PDE7B: variants seen among roughly 807,000 people sequenced by gnomAD.
The protein encoded by PDE7B is phosphodiesterase 7B.
A neutral mutation model predicts 56.2 loss-of-function variants in PDE7B; 29 were observed. The observed-to-expected ratio is 0.52, with a 90% CI of 0.38 to 0.70. The LOEUF is 0.70. Among genes scored for constraint, PDE7B ranks in the 30% least tolerant of loss-of-function variants. The pLI is 0.00. For missense variants in PDE7B, 490 were observed against 565.0 expected, an observed-to-expected ratio of 0.87 and a Z score of 1.35; for synonymous variants, 197 against 196.9, an observed-to-expected ratio of 1.00 and a Z score of 0.00.
At chr6:135,873,226 G>T (rs1173871919) in intron 1 of PDE7B, among the ~76,000 whole-genome samples, 1 of 152,082 alleles carries the variant, frequency 6.6e-6, no homozygotes, top group Non-Finnish European at 1.5e-5. Flanking sequence ...CTAAATTTCT[G>T]CTGTCAAGAA....
chr6:136,028,493 T>C (rs1297562864), intron 2 of PDE7B, among the ~76,000 whole-genome samples: 1 of 152,206 alleles, frequency 6.6e-6, no homozygotes, highest in African/African-American at 2.4e-5. Context: ...CAACACAAAT[T>C]CATTATCTTA....
chr6:135,963,378 G>T (rs1447527943), intron 2 of PDE7B, among the ~76,000 whole-genome samples: 1 of 152,098 alleles, frequency 6.6e-6, no homozygotes, highest in African/African-American at 2.4e-5. Context: ...CAGTTATTTT[G>T]TGCAACCAGT....
intron 2 of PDE7B, among the ~76,000 whole-genome samples, chr6:136,079,445 C>A (rs1046613693): frequency 6.6e-6 from 1 of 152,098 alleles, no homozygotes; most frequent in Non-Finnish European, 1.5e-5. Flanking sequence ...CTGAGGTGCA[C>A]TAATAACATT....
chr6:136,078,236 G>C (rs1777152645), intron 2 of PDE7B, among the ~76,000 whole-genome samples: 1 of 152,158 alleles, frequency 6.6e-6, no homozygotes, highest in Admixed American at 6.5e-5. Flanking sequence ...TCAGGAAAAA[G>C]AATTCCCATG....
At chr6:136,093,733 A>G (rs1777428766) in intron 2 of PDE7B, among the ~76,000 whole-genome samples, 1 of 152,232 alleles carries the variant, frequency 6.6e-6, no homozygotes, top group Non-Finnish European at 1.5e-5. Flanking sequence ...ACTTGCCACA[A>G]GTGGAATGGG....
chr6:136,169,843 C>G (rs897147908), intron 8 of PDE7B, among the ~76,000 whole-genome samples: 2 of 152,082 alleles, frequency 1.3e-5, no homozygotes, highest in African/African-American at 4.8e-5. Context: ...AAATAATAGA[C>G]CAGTTGATAA....
intron 1 of PDE7B, among the ~76,000 whole-genome samples, chr6:135,901,129 G>T (rs1282152245): frequency 6.6e-6 from 1 of 152,068 alleles, no homozygotes; most frequent in South Asian, 2.1e-4. Context: ...GCCACAGAGG[G>T]GATGACCTTC....
At chr6:136,007,769 T>C (rs1775814035) in intron 2 of PDE7B, among the ~76,000 whole-genome samples, 1 of 152,088 alleles carries the variant, frequency 6.6e-6, no homozygotes, top group South Asian at 2.1e-4. Context: ...GAGGTGTTCA[T>C]AGTAGTTTCT....
At chr6:135,871,230 C>T (rs1173975662) in intron 1 of PDE7B, among the ~76,000 whole-genome samples, 2 of 152,162 alleles carry the variant, frequency 1.3e-5, no homozygotes, top group African/African-American at 2.4e-5. Flanking sequence ...TTTTACTTTA[C>T]ATGAAGAGAT....
In PDE7B at chr6:136,126,798, G is replaced by A. The variant is rs116908022; in HGVS notation, c.166+17984G>A. On this transcript the variant is annotated intron_variant, in intron 3 of 12. Transcript: ENST00000308191. ...ATGCCACAGTGGACTCTGGGGACTC[G>A]GGGAAAGGATGGGAAGAGGTTGAGG... Among the ~76,000 whole-genome samples the A allele has an allele frequency of 5.7e-4, 87 of 152,232 alleles. 2 individuals carry two copies. The highest frequency in any genetic ancestry group is 1.3e-3 in the African/African-American group (55 of 41,534).
At chr6:135,989,578 C>T (rs1229956410) in intron 2 of PDE7B, among the ~76,000 whole-genome samples, 1 of 152,082 alleles carries the variant, frequency 6.6e-6, no homozygotes, top group Non-Finnish European at 1.5e-5. Context: ...GGTGCCATTG[C>T]ACTCCAGGCT....
intron 2 of PDE7B, among the ~76,000 whole-genome samples, chr6:135,980,729 A>T (rs1324516204): frequency 4.7e-5 from 7 of 147,904 alleles, no homozygotes; most frequent in Non-Finnish European, 9.1e-5. Flanking sequence ...CAAAACCACA[A>T]TGAGATACCA....
chr6:136,192,810 TA>T lies in PDE7B; in HGVS notation c.*973del, dbSNP rs1335781485. 1.3e-5 allele frequency: 2 copies of T among 152,604 alleles called. No individual in the cohort carries two copies. Among genetic ancestry groups the T allele is most frequent in the Non-Finnish European group, 2.9e-5 (2 of 68,042 alleles). The allele number at this position is 152,604 out of a possible 1,614,324, so 9.5% of individuals were successfully genotyped here. A position where few individuals can be genotyped will look rare whatever the true frequency, so the allele number is the denominator to read the frequency against. ...TGTTTGCAGATAAAGGCCTTAACTT[TA>T]AACATCTTTCATCTTCTGAAAGCTG... On this transcript the variant is annotated 3_prime_UTR_variant, in exon 13 of 13. Coordinates refer to ENST00000308191, the MANE Select transcript of PDE7B (RefSeq NM_018945.4).
chr6:135,942,431 G>A (rs1489179755), intron 1 of PDE7B, among the ~76,000 whole-genome samples: 1 of 152,054 alleles, frequency 6.6e-6, no homozygotes, highest in Non-Finnish European at 1.5e-5. Context: ...TGTGTACATT[G>A]TGGAATGGCT....
intron 2 of PDE7B, among the ~76,000 whole-genome samples, chr6:135,949,961 T>A (rs1486611116): frequency 1.3e-5 from 2 of 152,108 alleles, no homozygotes; most frequent in Non-Finnish European, 2.9e-5. Flanking sequence ...TTTAAGAGAA[T>A]TGCTGCAACT....
intron 2 of PDE7B, among the ~76,000 whole-genome samples, chr6:136,062,349 C>A (rs1776859167): frequency 6.6e-6 from 1 of 151,944 alleles, no homozygotes; most frequent in Non-Finnish European, 1.5e-5. Flanking sequence ...ACATAGTTAC[C>A]TTTTTGTGTT....
intron 1 of PDE7B, among the ~76,000 whole-genome samples, chr6:135,859,854 A>G (rs1379146508): frequency 6.6e-6 from 1 of 152,078 alleles, no homozygotes; most frequent in Non-Finnish European, 1.5e-5. Context: ...ATTGGATTAA[A>G]TGGCAATAAT....
intron 9 of PDE7B, among the ~76,000 whole-genome samples, chr6:136,177,525 C>T (rs538735756): frequency 6.6e-6 from 1 of 151,978 alleles, no homozygotes; most frequent in East Asian, 1.9e-4. Flanking sequence ...GTACAAATGG[C>T]CAATAAAGAC....
intron 3 of PDE7B, among the ~76,000 whole-genome samples, chr6:136,131,957 T>C (rs1778125784): frequency 6.6e-6 from 1 of 152,208 alleles, no homozygotes; most frequent in Non-Finnish European, 1.5e-5. Flanking sequence ...TTTTAAACAC[T>C]CGTATTTATG....
Sources: gnomAD v4.1 joint callset for allele counts (sites outside exome capture counted in the v4.1 genomes callset) on GRCh38, gnomAD v4.1.1 for gene constraint, MANE v1.5 for transcripts, NCBI Gene and HGNC (gene_info 2026-07-23, HGNC 2026-07-21) for gene names.